Variants in PLXDC2 observed in about 807,000 individuals in gnomAD.
The protein encoded by PLXDC2 is plexin domain-containing protein 2.
Under a neutral mutation model 68.9 loss-of-function variants are expected in PLXDC2, and 40 were observed. The ratio of observed to expected loss-of-function variants is 0.58; its 90% confidence interval spans 0.45 to 0.76. The LOEUF (loss-of-function observed/expected upper bound fraction) is 0.76. Among genes scored for constraint, PLXDC2 ranks in the 30% least tolerant of loss-of-function variants. The pLI is 0.00. For missense variants in PLXDC2, 644 were observed against 661.9 expected (o/e 0.97, Z 0.30); for synonymous variants, 243 against 234.2 (o/e 1.04, Z -0.34).
chr10:20,021,938 C>T (rs1424841856), intron 2 of PLXDC2, among the ~76,000 whole-genome samples: 1 of 152,068 alleles, frequency 6.6e-6, no homozygotes, highest in African/African-American at 2.4e-5. Context: ...ACCTCGTGAT[C>T]CGCCCACCTT....
intron 1 of PLXDC2, among the ~76,000 whole-genome samples, chr10:19,818,091 G>A (rs1216691339): frequency 2.0e-5 from 3 of 152,140 alleles, no homozygotes; most frequent in Non-Finnish European, 1.5e-5. Context: ...GATCTTGGCA[G>A]AAATTGGTGA....
intron 2 of PLXDC2, among the ~76,000 whole-genome samples, chr10:20,035,412 T>C (rs1424733476): frequency 6.6e-6 from 1 of 152,130 alleles, no homozygotes; most frequent in African/African-American, 2.4e-5. Flanking sequence ...TAAAAGTATA[T>C]TAGGCAAGAT....
intron 1 of PLXDC2, among the ~76,000 whole-genome samples, chr10:19,900,803 T>C (rs1364173069): frequency 1.3e-5 from 2 of 151,846 alleles, no homozygotes; most frequent in Admixed American, 1.3e-4. Context: ...ATCCTTTTTA[T>C]GCGTTTGTTT....
At chr10:20,187,056 C>G (rs776433523) in intron 9 of PLXDC2, among the ~76,000 whole-genome samples, 8 of 151,606 alleles carry the variant, frequency 5.3e-5, no homozygotes, top group Non-Finnish European at 1.0e-4. Context: ...GGAAGCATTC[C>G]TGAGTTATTC....
intron 1 of PLXDC2, among the ~76,000 whole-genome samples, chr10:19,818,639 G>T (rs1025728980): frequency 6.6e-6 from 1 of 152,126 alleles, no homozygotes; most frequent in Non-Finnish European, 1.5e-5. Context: ...TAATTGTTCT[G>T]CATTAATGGA....
intron 1 of PLXDC2, among the ~76,000 whole-genome samples, chr10:19,985,967 C>T (rs1448670138): frequency 6.6e-6 from 1 of 152,202 alleles, no homozygotes; most frequent in Non-Finnish European, 1.5e-5. Context: ...ACTGGTCCTC[C>T]TTCCAGTCCT....
In PLXDC2 at chr10:19,999,390, G is replaced by T. The variant is rs67084067; in HGVS notation, c.113-2385G>T. On this transcript the variant is annotated intron_variant, in intron 1 of 13. Transcript: ENST00000377252. ...AAATCCTTTGAAGTTGTAGGTGTTT[G>T]TTTTTTTTTTTTCTGATTTACATTT... Among the ~76,000 whole-genome samples the T allele has an allele frequency of 3.3e-3, 332 of 101,076 alleles. 2 individuals carry two copies. The highest frequency in any genetic ancestry group is 5.1e-3 in the South Asian group (14 of 2,748). 66.3% of individuals were successfully genotyped at this position (101,076 alleles called of 152,430 possible). A position where few individuals can be genotyped will look rare whatever the true frequency, so the allele number is the denominator to read the frequency against.
In PLXDC2 at chr10:19,831,072, A is replaced by G. The variant is rs557629549; in HGVS notation, c.112+13881A>G. On this transcript the variant is annotated intron_variant, in intron 1 of 13. Transcript: ENST00000377252. Reference sequence around the variant, plus strand: ...GTGCTTGGTATATAGAAGGCAATTAATAAATACTTAATGAACTTTTCTGCA... The same window carrying G: ...GTGCTTGGTATATAGAAGGCAATTAGTAAATACTTAATGAACTTTTCTGCA... 8.5e-5 allele frequency among the ~76,000 whole-genome samples: 13 copies of G among 152,142 alleles called. No homozygotes were observed. In the South Asian group the frequency reaches 2.7e-3, roughly 32 times the overall value.
At chr10:19,994,888 G>T (rs183173237) in intron 1 of PLXDC2, among the ~76,000 whole-genome samples, 15 of 151,988 alleles carry the variant, frequency 9.9e-5, no homozygotes, top group African/African-American at 3.1e-4. Context: ...GATTACAGGT[G>T]TGCACCACCA....
chr10:19,948,319 G>A (rs945842474), intron 1 of PLXDC2, among the ~76,000 whole-genome samples: 3 of 151,666 alleles, frequency 2.0e-5, no homozygotes, highest in Non-Finnish European at 2.9e-5. Flanking sequence ...GGGAAATGGG[G>A]AAAATAAACA....
chr10:19,835,345 A>G (rs181928349), intron 1 of PLXDC2, among the ~76,000 whole-genome samples: 53 of 152,310 alleles, frequency 3.5e-4, no homozygotes, highest in African/African-American at 1.2e-3. Flanking sequence ...GCACTACTGG[A>G]TCAATAAAGA....
chr10:19,890,482 A>G (rs987226500), intron 1 of PLXDC2, among the ~76,000 whole-genome samples: 4 of 148,688 alleles, frequency 2.7e-5, no homozygotes, highest in Non-Finnish European at 4.4e-5. Context: ...GCTCCTATTT[A>G]TAAGTGATAA....
intron 4 of PLXDC2, among the ~76,000 whole-genome samples, chr10:20,100,240 G>A (rs1440836132): frequency 1.3e-5 from 2 of 152,208 alleles, no homozygotes; most frequent in Non-Finnish European, 1.5e-5. Context: ...GGTTAAACCA[G>A]TGACTGACAT....
At chr10:19,921,951 G>A (rs1833468015) in intron 1 of PLXDC2, among the ~76,000 whole-genome samples, 2 of 152,120 alleles carry the variant, frequency 1.3e-5, no homozygotes, top group South Asian at 2.1e-4. Context: ...TCCGTCTCCC[G>A]AGTTCAAGTG....
chr10:20,179,876 T>G (rs931001770), intron 9 of PLXDC2, among the ~76,000 whole-genome samples: 3 of 152,076 alleles, frequency 2.0e-5, no homozygotes, highest in Admixed American at 2.0e-4. Context: ...TCATAGCTCA[T>G]AAGTGATAAG....
At chr10:19,922,445 G>A (rs1327068191) in intron 1 of PLXDC2, among the ~76,000 whole-genome samples, 1 of 152,286 alleles carries the variant, frequency 6.6e-6, no homozygotes, top group Admixed American at 6.5e-5. Flanking sequence ...CAGGTTCTGG[G>A]ATCAGGAGGA....
chr10:19,927,256 G>A (rs1833551318), intron 1 of PLXDC2, among the ~76,000 whole-genome samples: 1 of 152,170 alleles, frequency 6.6e-6, no homozygotes, highest in Non-Finnish European at 1.5e-5. Context: ...GGTAGGTTAT[G>A]AGTCACGGGC....
intron 4 of PLXDC2, among the ~76,000 whole-genome samples, chr10:20,140,206 A>G (rs1833983931): frequency 6.6e-6 from 1 of 152,098 alleles, no homozygotes; most frequent in Non-Finnish European, 1.5e-5. Flanking sequence ...AGGCTGAAGC[A>G]GGAGAATGGC....
chr10:19,822,261 A>AAT (rs1028106794), intron 1 of PLXDC2, among the ~76,000 whole-genome samples: 6 of 149,240 alleles, frequency 4.0e-5, no homozygotes, highest in Admixed American at 1.3e-4. Flanking sequence ...CTATATATGC[A>AAT]ATATATATAA....
Sources: gnomAD v4.1 joint callset for allele counts (sites outside exome capture counted in the v4.1 genomes callset) on GRCh38, gnomAD v4.1.1 for gene constraint, MANE v1.5 for transcripts, NCBI Gene and HGNC (gene_info 2026-07-23, HGNC 2026-07-21) for gene names.